The following SGCD variants were observed in gnomAD, a reference collection of about 807,000 sequenced individuals.
The protein encoded by SGCD is delta-sarcoglycan.
A neutral mutation model predicts 36.6 loss-of-function variants in SGCD; 18 were observed. The observed-to-expected ratio is 0.49, with a 90% CI of 0.34 to 0.73. The LOEUF (loss-of-function observed/expected upper bound fraction) is 0.73, where lower values mean the gene tolerates loss of function less well. SGCD is among the 30% of genes least tolerant of loss of function. The probability of loss-of-function intolerance (pLI) is 0.01; values close to 1 mark genes in which losing one functional copy is unlikely to be tolerated. For synonymous variants in SGCD, 133 were observed against 130.6 expected, an observed-to-expected ratio of 1.02 and a Z score of -0.12; for missense variants, 387 against 346.7, an observed-to-expected ratio of 1.12 and a Z score of -0.92.
At chr5:155,771,297 G>A in the SGCD span, among the ~76,000 whole-genome samples, 2 of 152,122 alleles carry the variant, frequency 1.3e-5, no homozygotes, top group Admixed American at 6.5e-5. Flanking sequence ...CACCTAGGCT[G>A]GAGTGCAGTG....
chr5:156,638,592 A>T (rs1245322305), intron 6 of SGCD, among the ~76,000 whole-genome samples: 1 of 152,188 alleles, frequency 6.6e-6, no homozygotes, highest in African/African-American at 2.4e-5. Context: ...TTAGTGTTAA[A>T]CACAACCAGT....
chr5:155,824,691 G>A, the SGCD span, among the ~76,000 whole-genome samples: 1 of 152,136 alleles, frequency 6.6e-6, no homozygotes, highest in Non-Finnish European at 1.5e-5. Context: ...TGATTGGCGA[G>A]TGGTTAAGAC....
At chr5:156,285,175 G>A (rs1173073329) in intron 3 of SGCD, among the ~76,000 whole-genome samples, 3 of 152,120 alleles carry the variant, frequency 2.0e-5, no homozygotes, top group Middle Eastern at 3.2e-3. Context: ...AATAAAAGAG[G>A]ATACAAACAA....
chr5:156,458,791 G>GTTTTC (rs1320415515), intron 3 of SGCD, among the ~76,000 whole-genome samples: 1 of 152,158 alleles, frequency 6.6e-6, no homozygotes, highest in Non-Finnish European at 1.5e-5. Flanking sequence ...AGCATGATGA[G>GTTTTC]AATCACATGG....
At chr5:156,293,950 C>T (rs946783848) in intron 3 of SGCD, among the ~76,000 whole-genome samples, 4 of 152,232 alleles carry the variant, frequency 2.6e-5, no homozygotes, top group East Asian at 1.9e-4. Flanking sequence ...AATATTAAAT[C>T]TTCCAATCCA....
At chr5:155,785,583 A>G in the SGCD span, among the ~76,000 whole-genome samples, 1 of 152,082 alleles carries the variant, frequency 6.6e-6, no homozygotes, top group African/African-American at 2.4e-5. Flanking sequence ...TTCCCTTTCC[A>G]TGGACAAAGT....
chr5:156,670,296 C>T (rs1465613434), intron 7 of SGCD, among the ~76,000 whole-genome samples: 4 of 152,206 alleles, frequency 2.6e-5, no homozygotes, highest in South Asian at 4.1e-4. Context: ...GTTTATTTCC[C>T]GAAATTCCTA....
intron 1 of SGCD, among the ~76,000 whole-genome samples, chr5:155,972,572 G>A (rs1271159429): frequency 6.6e-6 from 1 of 152,062 alleles, no homozygotes; most frequent in African/African-American, 2.4e-5. Context: ...CATGATATGT[G>A]TGTTTAAGCA....
intron 3 of SGCD, among the ~76,000 whole-genome samples, chr5:156,189,206 C>T (rs1049106644): frequency 6.6e-6 from 1 of 152,164 alleles, no homozygotes; most frequent in African/African-American, 2.4e-5. Context: ...GCCATTAATG[C>T]AGCTATGAAG....
intron 1 of SGCD, among the ~76,000 whole-genome samples, chr5:155,973,150 C>T (rs1224234449): frequency 6.6e-6 from 1 of 152,150 alleles, no homozygotes; most frequent in Non-Finnish European, 1.5e-5. Context: ...TGGAAATCCA[C>T]TCTGAGGGGA....
chr5:156,080,140 AG>A (rs1333151148), intron 1 of SGCD, among the ~76,000 whole-genome samples: 2 of 152,228 alleles, frequency 1.3e-5, no homozygotes, highest in Non-Finnish European at 2.9e-5. Context: ...CCTCTAAAGC[AG>A]TTGCCTGAGT....
chr5:155,737,882 G>T, the SGCD span, among the ~76,000 whole-genome samples: 1 of 152,160 alleles, frequency 6.6e-6, no homozygotes, highest in Non-Finnish European at 1.5e-5. Flanking sequence ...CCATATATGG[G>T]TTTGGCGGTG....
At chr5:156,608,650 A>T (rs1319461006) in intron 6 of SGCD, among the ~76,000 whole-genome samples, 1 of 152,198 alleles carries the variant, frequency 6.6e-6, no homozygotes, top group Non-Finnish European at 1.5e-5. Flanking sequence ...GGGGTGTTAA[A>T]GTCTCCCCTT....
intron 6 of SGCD, among the ~76,000 whole-genome samples, chr5:156,646,687 T>G (rs529668543): frequency 2.9e-4 from 44 of 152,300 alleles, no homozygotes; most frequent in African/African-American, 1.0e-3. Context: ...CTGCCTCAGC[T>G]AAGTTTAATT....
chr5:155,805,389 A>G, the SGCD span, among the ~76,000 whole-genome samples: 37 of 152,236 alleles, frequency 2.4e-4, no homozygotes, highest in African/African-American at 8.2e-4. Context: ...GACCTTGAAA[A>G]GTGAAGGGAT....
intron 7 of SGCD, among the ~76,000 whole-genome samples, chr5:156,672,369 A>G (rs754349361): frequency 6.6e-6 from 1 of 152,188 alleles, no homozygotes. Context: ...CAGGATGTAC[A>G]TAGTGAAGAA....
intron 3 of SGCD, among the ~76,000 whole-genome samples, chr5:156,302,450 G>A (rs907192427): frequency 4.6e-5 from 7 of 151,842 alleles, no homozygotes; most frequent in South Asian, 4.2e-4. Context: ...GAGTTTCCTC[G>A]AGGAAGGTAT....
At chr5:156,386,668 G>C (rs149753400) in intron 3 of SGCD, among the ~76,000 whole-genome samples, 3 of 152,368 alleles carry the variant, frequency 2.0e-5, no homozygotes, top group South Asian at 2.1e-4. Context: ...GCCTCATACA[G>C]ATGTAGGTGG....
chr5:155,985,886 A>G (rs527754871), intron 1 of SGCD, among the ~76,000 whole-genome samples: 1 of 152,276 alleles, frequency 6.6e-6, no homozygotes, highest in Admixed American at 6.5e-5. Flanking sequence ...CCCCTTTCAC[A>G]GAAATGCCTC....
Sources: gnomAD v4.1 joint callset for allele counts (sites outside exome capture counted in the v4.1 genomes callset) on GRCh38, gnomAD v4.1.1 for gene constraint, MANE v1.5 for transcripts, NCBI Gene and HGNC (gene_info 2026-07-23, HGNC 2026-07-21) for gene names.